PCLO: variants seen among roughly 807,000 people sequenced by gnomAD.
The protein encoded by PCLO is protein piccolo.
Under a neutral mutation model 427.5 loss-of-function variants are expected in PCLO, and 82 were observed. The ratio of observed to expected loss-of-function variants is 0.19; its 90% confidence interval spans 0.16 to 0.23. The LOEUF (loss-of-function observed/expected upper bound fraction) is 0.23, where lower values mean the gene tolerates loss of function less well. Ranked by LOEUF, PCLO falls within the 10% of genes least tolerant of loss-of-function variation. PCLO has a pLI of 1.00. For synonymous variants in PCLO, 2,357 were observed against 2,155.4 expected, an observed-to-expected ratio of 1.09 and a Z score of -2.59; for missense variants, 6,239 against 6,115.9, an observed-to-expected ratio of 1.02 and a Z score of -0.67.
rs752347339 is a variant in PCLO, at chr7:82,914,772, A to C, written c.13214T>G (p.Met4405Arg). ...GCCTCGAGTCCGTGATTCTTCCCTC[A>C]TGTGTTGCTGAACTTCAGGCAATGA... ...SHSLPEVQQH[M>R]REESRTRGYD... Residue 4405 changes from methionine (M) to arginine (R), a missense_variant, in exon 7 of 25, where the codon ATG (methionine) becomes AGG (arginine). Around this residue, in one of 5 missense-constraint regions of PCLO, gnomAD observed 877 missense variants for 925.5 expected, o/e 0.95. Transcript: ENST00000333891. 20 of 1,613,240 alleles carry C rather than the reference A, an allele frequency of 1.2e-5. No homozygotes were observed.
Position 82,950,359 on chromosome 7 carries a change from G to T in PCLO, c.10229C>A (p.Pro3410His). 6.2e-7 allele frequency: 1 copy of T among 1,613,432 alleles called. No individual in the cohort carries two copies. The highest frequency in any genetic ancestry group is 1.1e-5 in the South Asian group (1 of 91,060). The change falls in exon 6 of 25, where the codon CCC (proline) becomes CAC (histidine). Residue 3410 changes from proline (P) to histidine (H), a missense_variant. This residue lies in a region of PCLO where 4,677 missense variants were observed against 4,468.4 expected (regional missense o/e 1.05). Coordinates refer to ENST00000333891, the MANE Select transcript of PCLO (RefSeq NM_033026.6). ...TTTAGCTCCAGAACTTCTCTTTTTG[G>T]GTTGTTTTTCCTCTTTCACAACAAC... ...TDVVVKEEKQ[P>H]KKRSSGAKVR... is the part of the protein sequence containing the mutation.
At chr7:83,093,933 T>C (rs1275436413) in intron 3 of PCLO, among the ~76,000 whole-genome samples, 1 of 151,402 alleles carries the variant, frequency 6.6e-6, no homozygotes, top group African/African-American at 2.4e-5. Flanking sequence ...CTCTTACCCA[T>C]TTCCTCCCAA....
intron 3 of PCLO, among the ~76,000 whole-genome samples, chr7:83,000,930 T>C (rs1787808255): frequency 6.6e-6 from 1 of 152,062 alleles, no homozygotes; most frequent in Non-Finnish European, 1.5e-5. Flanking sequence ...CAATTCATTT[T>C]TTTTACCAGT....
chr7:82,758,815 G>A, intron 24 of PCLO, 100 bp from the exon 25 acceptor site: 1 of 673,386 alleles, frequency 1.5e-6, no homozygotes, highest in East Asian at 2.8e-5. Flanking sequence ...CAAAGACATA[G>A]CACGAAAGAG....
rs367798601 is a variant in PCLO, at chr7:82,950,594, T to C, written c.9994A>G (p.Thr3332Ala). ...TGACCTTCCAAAATTGCCTGCTCTG[T>C]AGTGGTTTGTGGAGAAGCAGTTCCA... ...PSGTASPQTT[T>A]EQAILEGQYA... The change falls in exon 6 of 25, where the codon ACA becomes GCA. Residue 3332 changes from threonine to alanine, a missense_variant. Thr to Ala is a moderately conservative substitution (Grantham distance 58, BLOSUM62 0). This residue lies in a region of PCLO where 4,677 missense variants were observed against 4,468.4 expected (regional missense o/e 1.05). Coordinates refer to ENST00000333891, the MANE Select transcript of PCLO (RefSeq NM_033026.6). The C allele has an allele frequency of 3.3e-5, 54 of 1,613,828 alleles. No individual in the cohort carries two copies. Among genetic ancestry groups the C allele is most frequent in the African/African-American group, 2.3e-4 (17 of 75,032 alleles).
chr7:82,969,686 T>C (rs1795858446), intron 3 of PCLO, among the ~76,000 whole-genome samples: 1 of 152,092 alleles, frequency 6.6e-6, no homozygotes, highest in Non-Finnish European at 1.5e-5. Context: ...TGTATGTATC[T>C]ATTTGGTTTA....
chr7:82,922,236 G>T (rs1584158434), intron 6 of PCLO, among the ~76,000 whole-genome samples: 1 of 151,716 alleles, frequency 6.6e-6, no homozygotes, highest in East Asian at 1.9e-4. Context: ...GGAATTGCTG[G>T]GTGTATACTC....
chr7:82,905,010 T>C (rs537742809), intron 8 of PCLO, among the ~76,000 whole-genome samples: 67 of 152,176 alleles, frequency 4.4e-4, no homozygotes, highest in Middle Eastern at 3.4e-3. Flanking sequence ...AGCTTTTTAG[T>C]AACCACAGAG....
intron 3 of PCLO, among the ~76,000 whole-genome samples, chr7:83,096,902 T>TTATA (rs1554396378): frequency 1.9e-5 from 1 of 53,732 alleles, no homozygotes; most frequent in African/African-American, 1.0e-4. Flanking sequence ...TATATTAATA[T>TTATA]TATATTATCT....
rs542679393 is a variant in PCLO, at chr7:82,850,085, T to G, written c.13655-2838A>C. ...GTGCAGTGGCACAATCTTGGCTCAC[T>G]GCAACCTCTGCCAACCGGGTTCAAG... On this transcript the variant is annotated intron_variant, in intron 10 of 24. Coordinates refer to ENST00000333891, the MANE Select transcript of PCLO (RefSeq NM_033026.6). Among the ~76,000 whole-genome samples, 13 of 152,254 alleles carry G rather than the reference T, an allele frequency of 8.5e-5. No individual in the cohort carries two copies. The South Asian group carries it at 2.7e-3, about 32-fold the overall frequency.
chr7:83,063,634 C>T (rs1789593641), intron 3 of PCLO, among the ~76,000 whole-genome samples: 1 of 152,070 alleles, frequency 6.6e-6, no homozygotes, highest in South Asian at 2.1e-4. Flanking sequence ...GTATTAAAGA[C>T]ATTTTTGACT....
At chr7:82,932,570 A>G (rs1794864166) in intron 6 of PCLO, among the ~76,000 whole-genome samples, 1 of 152,170 alleles carries the variant, frequency 6.6e-6, no homozygotes, top group Non-Finnish European at 1.5e-5. Flanking sequence ...CATTTGTGGG[A>G]ATGGATGAAC....
intron 2 of PCLO, among the ~76,000 whole-genome samples, chr7:83,145,322 A>C (rs946365889): frequency 6.6e-6 from 1 of 152,172 alleles, no homozygotes; most frequent in South Asian, 2.1e-4. Context: ...AGTACTCTTA[A>C]ACCTTGATTT....
rs550025242 is a variant in PCLO, at chr7:83,120,309, C to A, written c.3300+13941G>T. Among the ~76,000 whole-genome samples the A allele has an allele frequency of 9.0e-5, 13 of 143,764 alleles. No homozygotes were observed. In the South Asian group the frequency reaches 2.8e-3, roughly 31 times the overall value. The allele number at this position is 143,764 out of a possible 152,430, so 94.3% of individuals were successfully genotyped here. A position where few individuals can be genotyped will look rare whatever the true frequency, so the allele number is the denominator to read the frequency against. On this transcript the variant is annotated intron_variant, in intron 3 of 24. Transcript: ENST00000333891. Reference sequence around the variant, plus strand: ...TCCAGCTACTCAAGAGGCTGAGGCACAAGAATTGCTTGAACCTGGGAGGCA... The same window carrying A: ...TCCAGCTACTCAAGAGGCTGAGGCAAAAGAATTGCTTGAACCTGGGAGGCA...
intron 22 of PCLO, among the ~76,000 whole-genome samples, chr7:82,795,788 A>G (rs1357797929): frequency 6.6e-6 from 1 of 152,192 alleles, no homozygotes; most frequent in East Asian, 1.9e-4. Flanking sequence ...AATAAACATT[A>G]TATATTTGTG....
intron 3 of PCLO, among the ~76,000 whole-genome samples, chr7:82,992,949 A>G (rs1485797530): frequency 6.6e-6 from 1 of 152,054 alleles, no homozygotes; most frequent in Non-Finnish European, 1.5e-5. Flanking sequence ...GGCCACTTAA[A>G]TGATTAAATA....
In PCLO at chr7:83,134,594, C is replaced by T. The variant is rs1562982721; in HGVS notation, c.2956G>A (p.Ala986Thr). The T allele has an allele frequency of 6.2e-7, 1 of 1,613,756 alleles. No homozygotes were observed. The highest frequency in any genetic ancestry group is 8.5e-7 in the Non-Finnish European group (1 of 1,179,860). Reference protein sequence around the residue: ...SQGPPKSTGQAPPAPAKSIPV... With the variant: ...SQGPPKSTGQTPPAPAKSIPV... ...ATACTTTTTGCAGGTGCTGGTGGTG[C>T]TTGACCTGTGGATTTGGGTGGCCCT... The change falls in exon 3 of 25, where the codon GCA (alanine) becomes ACA (threonine). Residue 986 changes from alanine (A) to threonine (T), a missense_variant. Physicochemically the swap from Ala to Thr is moderately conservative, Grantham distance 58. Transcript: ENST00000333891.
chr7:82,880,908 T>C (rs1793491191), intron 9 of PCLO, among the ~76,000 whole-genome samples: 1 of 152,206 alleles, frequency 6.6e-6, no homozygotes, highest in Admixed American at 6.5e-5. Context: ...ACAAATGGGT[T>C]ACAAACATGG....
Position 83,154,796 on chromosome 7 carries a change from G to A in PCLO, c.1845C>T (p.Thr615=), listed in dbSNP as rs758376631. The part of the protein sequence containing the change: ...ANFNTCTECQ[T]TVCSLCGFNP... ...TAAAACCACAGAGACTACAGACAGT[G>A]GTTTGACACTCAGTGCATGTGTTAA... is the stretch of plus-strand genomic sequence containing the variant. The change falls in exon 2 of 25, where the codon ACC becomes ACT. Residue 615 remains threonine (T), a synonymous_variant. Coordinates refer to ENST00000333891, the MANE Select transcript of PCLO (RefSeq NM_033026.6). 9.3e-6 allele frequency: 15 copies of A among 1,613,984 alleles called. No homozygotes were observed. The highest frequency in any genetic ancestry group is 1.3e-5 in the African/African-American group (1 of 75,066).
Sources: allele counts gnomAD v4.1 joint callset (sites outside exome capture counted in the v4.1 genomes callset), GRCh38; gene constraint gnomAD v4.1.1; regional missense constraint gnomAD v4.1.1; transcripts MANE v1.5; gene names NCBI Gene and HGNC (gene_info 2026-07-23, HGNC 2026-07-21).